SHROOM3: variants seen among roughly 807,000 people sequenced by gnomAD.
SHROOM3 encodes protein Shroom3.
Under a neutral mutation model 138.6 loss-of-function variants are expected in SHROOM3, and 47 were observed. The ratio of observed to expected loss-of-function variants is 0.34; its 90% CI spans 0.27 to 0.43. SHROOM3 has a LOEUF of 0.43. Ranked by LOEUF, SHROOM3 falls within the 20% of genes least tolerant of loss-of-function variation. The pLI is 1.00. For missense variants in SHROOM3, 2,491 were observed against 2,596.5 expected (o/e 0.96, Z 0.88); for synonymous variants, 1,062 against 1,063.3 (o/e 1.00, Z 0.02).
At chr4:76,654,676 A>G (rs1027218563) in intron 2 of SHROOM3, among the ~76,000 whole-genome samples, 1 of 152,164 alleles carries the variant, frequency 6.6e-6, no homozygotes, top group Non-Finnish European at 1.5e-5. Context: ...TTTTGGAGAT[A>G]AAACAGTATG....
intron 1 of SHROOM3, among the ~76,000 whole-genome samples, chr4:76,549,777 A>G (rs533046954): frequency 3.3e-5 from 5 of 152,328 alleles, no homozygotes; most frequent in South Asian, 2.1e-4. Context: ...GCCAGCAGCA[A>G]CAAAGAGGGA....
chr4:76,778,028 C>T (rs180934829), intron 10 of SHROOM3, among the ~76,000 whole-genome samples: 6 of 152,088 alleles, frequency 3.9e-5, no homozygotes, highest in African/African-American at 7.2e-5. Flanking sequence ...AAACTTTAGC[C>T]GCAAAAGAAT....
Position 76,739,514 on chromosome 4 carries a change from G to A in SHROOM3, c.1341G>A (p.Lys447=). Residue 447 remains lysine (K), a synonymous_variant, in exon 5 of 11, where the codon AAG becomes AAA. Coordinates refer to ENST00000296043, the MANE Select transcript of SHROOM3 (RefSeq NM_020859.4). ...EKSPENSPPV[K]PKHNYTQKAQ... is the part of the protein sequence containing the mutation. ...GTCCAGAGAACAGCCCCCCAGTGAA[G>A]CCCAAGCATAACTATACCCAGAAGG... is the stretch of plus-strand genomic sequence containing the variant. 1 of 1,614,092 alleles carries A rather than the reference G, an allele frequency of 6.2e-7. No homozygotes were observed. Among genetic ancestry groups the A allele is most frequent in the South Asian group, 1.1e-5 (1 of 91,088 alleles).
At position 76,586,208 on chromosome 4, in the gene SHROOM3, T is replaced by C. The variant is rs1227707817; in HGVS notation, c.323+30445T>C. ...GCCGGGAGGAGGCAGTCATTCAAAC[T>C]GCCTTTTGTGTTTGGCTAATCAGGG... is the stretch of plus-strand genomic sequence containing the variant. On this transcript the variant is annotated intron_variant, in intron 2 of 10. Transcript: ENST00000296043. 3.1e-6 allele frequency: 3 copies of C among 979,804 alleles called. No homozygotes were observed. The East Asian group carries it at 3.4e-4, about 111-fold the overall frequency. The allele number at this position is 979,804 out of a possible 1,614,324, so 60.7% of individuals were successfully genotyped here. A position where few individuals can be genotyped will look rare whatever the true frequency, so the allele number is the denominator to read the frequency against.
In SHROOM3 at chr4:76,436,169, T is replaced by A. The variant is rs1579151527; in HGVS notation, c.117T>A (p.Gly39=). ...EAFLEGGAPW[G]FTLKGGLEHG... is the part of the protein sequence containing the mutation. Reference sequence around the variant, plus strand: ...TCCTGGAGGGAGGAGCTCCCTGGGGTTTTACTCTAAAGGGTGGCCTGGAGC... The same window carrying A: ...TCCTGGAGGGAGGAGCTCCCTGGGGATTTACTCTAAAGGGTGGCCTGGAGC... Residue 39 remains glycine (G), a synonymous_variant, in exon 1 of 11, where the codon GGT becomes GGA. Coordinates refer to ENST00000296043, the MANE Select transcript of SHROOM3 (RefSeq NM_020859.4). The A allele has an allele frequency of 6.2e-7, 1 of 1,613,970 alleles. No homozygotes were observed. The highest frequency in any genetic ancestry group is 2.2e-5 in the East Asian group (1 of 44,878).
In SHROOM3 at chr4:76,716,335, C is replaced by T. The variant is rs752069104; in HGVS notation, c.455+6048C>T. ...AAAGAGCAGTAGCAGGGCAGAATGG[C>T]TTTTTATTCCACGACTGAATATGAC... On this transcript the variant is annotated intron_variant, in intron 3 of 10. Coordinates refer to ENST00000296043, the MANE Select transcript of SHROOM3 (RefSeq NM_020859.4). 7.7e-6 allele frequency: 4 copies of T among 518,872 alleles called. No homozygotes were observed. The East Asian group carries it at 1.6e-4, about 21-fold the overall frequency. 32.1% of individuals were successfully genotyped at this position (518,872 alleles called of 1,614,324 possible).
At chr4:76,746,865 G>C (rs889374124) in intron 5 of SHROOM3, among the ~76,000 whole-genome samples, 2 of 150,874 alleles carry the variant, frequency 1.3e-5, no homozygotes, top group Admixed American at 1.3e-4. Context: ...CACCCAGGCT[G>C]GAGTGCACTG....
chr4:76,701,328 G>A (rs779769486), intron 2 of SHROOM3, among the ~76,000 whole-genome samples: 1 of 152,100 alleles, frequency 6.6e-6, no homozygotes, highest in Non-Finnish European at 1.5e-5. Context: ...TGTATCAATG[G>A]ACTTTTAGGA....
chr4:76,741,637 TC>T lies in SHROOM3; in HGVS notation c.3466del (p.Leu1156CysfsTer83). On this transcript the variant is annotated frameshift_variant, in exon 5 of 11. Coordinates refer to ENST00000296043, the MANE Select transcript of SHROOM3 (RefSeq NM_020859.4). LOFTEE classifies it high-confidence loss of function. This position sits in a 1 kb window ranked among gnomAD's most constrained non-coding sequence, Gnocchi z 6.2. ...CTGCAGCCCCGCAGGGAGGCCACGC[TC>T]CTGCCGGCCACAGTTGCAGAAACCC... ...PSLQPRREAT[L>X]LPATVAETQQ... 6.5e-7 allele frequency: 1 copy of T among 1,543,968 alleles called. No individual in the cohort carries two copies.
At chr4:76,729,338 C>G (rs1389245934) in intron 3 of SHROOM3, among the ~76,000 whole-genome samples, 1 of 152,000 alleles carries the variant, frequency 6.6e-6, no homozygotes, top group African/African-American at 2.4e-5. Flanking sequence ...CTCACTTTTC[C>G]TGACCTATTT....
intron 2 of SHROOM3, among the ~76,000 whole-genome samples, chr4:76,679,962 A>C (rs960252692): frequency 6.6e-6 from 1 of 152,112 alleles, no homozygotes; most frequent in Non-Finnish European, 1.5e-5. Flanking sequence ...TACCAAGCAC[A>C]CTTCACTTTC....
intron 1 of SHROOM3, among the ~76,000 whole-genome samples, chr4:76,536,677 T>C (rs1025783431): frequency 5.9e-5 from 9 of 152,224 alleles, no homozygotes; most frequent in African/African-American, 2.2e-4. Context: ...AAGTAGCCCC[T>C]GGCCTTAGGA....
intron 2 of SHROOM3, among the ~76,000 whole-genome samples, chr4:76,609,510 AT>A (rs535820702): frequency 6.6e-6 from 1 of 152,132 alleles, no homozygotes; most frequent in Non-Finnish European, 1.5e-5. Context: ...GCCTCATGAG[AT>A]TCTCCTGCCT....
At chr4:76,614,837 T>C (rs1317476731) in intron 2 of SHROOM3, among the ~76,000 whole-genome samples, 1 of 152,214 alleles carries the variant, frequency 6.6e-6, no homozygotes, top group Non-Finnish European at 1.5e-5. Flanking sequence ...TCAAATGCCA[T>C]TTGCAGATGC....
At chr4:76,515,873 G>A (rs748612023) in intron 1 of SHROOM3, among the ~76,000 whole-genome samples, 1 of 152,174 alleles carries the variant, frequency 6.6e-6, no homozygotes, top group Non-Finnish European at 1.5e-5. Flanking sequence ...ACTACTTTAT[G>A]AGGTAAATAA....
intron 1 of SHROOM3, among the ~76,000 whole-genome samples, chr4:76,502,538 C>T (rs1016000928): frequency 6.6e-5 from 10 of 152,304 alleles, no homozygotes; most frequent in Admixed American, 4.6e-4. Context: ...GGATACTTAG[C>T]TCGTGTCCAC....
chr4:76,555,829 C>T, intron 2 of SHROOM3, 66 bp downstream of exon 2: 1 of 1,563,340 alleles, frequency 6.4e-7, no homozygotes, highest in Non-Finnish European at 8.7e-7. Flanking sequence ...TACCCTACCC[C>T]ACCTCTGGGA....
At chr4:76,566,429 C>G (rs949232175) in intron 2 of SHROOM3, among the ~76,000 whole-genome samples, 12 of 152,114 alleles carry the variant, frequency 7.9e-5, no homozygotes, top group South Asian at 6.2e-4. Flanking sequence ...TCATCAGCCC[C>G]CATGTTTCAA....
At chr4:76,765,207 T>A (rs1212602141) in intron 9 of SHROOM3, among the ~76,000 whole-genome samples, 1 of 152,040 alleles carries the variant, frequency 6.6e-6, no homozygotes, top group African/African-American at 2.4e-5. Flanking sequence ...GGTCTCTTTT[T>A]AAAGTTGTTT....
Sources: gnomAD v4.1 joint callset for allele counts (sites outside exome capture counted in the v4.1 genomes callset) on GRCh38, gnomAD v4.1.1 for gene constraint, Gnocchi (gnomAD v3.1) non-coding constraint, MANE v1.5 for transcripts, NCBI Gene and HGNC (gene_info 2026-07-23, HGNC 2026-07-21) for gene names.